The following ADGRB3 variants were observed in gnomAD, a reference collection of about 807,000 sequenced individuals.
ADGRB3 encodes the protein adhesion G protein-coupled receptor B3, also known as brain-specific angiogenesis inhibitor 3.
A neutral mutation model predicts 193.4 loss-of-function variants in ADGRB3; 37 were observed. The ratio of observed to expected loss-of-function variants is 0.19; its 90% CI spans 0.15 to 0.25. ADGRB3 has a LOEUF of 0.25. Among genes scored for constraint, ADGRB3 ranks in the 10% least tolerant of loss-of-function variants. The pLI is 1.00. For synonymous variants in ADGRB3, 690 were observed against 644.2 expected (o/e 1.07, Z -1.08); for missense variants, 1,637 against 1,852.9 (o/e 0.88, Z 2.14).
chr6:69,255,662 C>CT (rs1766749105), intron 20 of ADGRB3, among the ~76,000 whole-genome samples: 1 of 152,074 alleles, frequency 6.6e-6, no homozygotes, highest in African/African-American at 2.4e-5. Context: ...TGCCTGTTCA[C>CT]TCTGATGGTA....
At chr6:68,855,191 A>G (rs1764944034) in intron 3 of ADGRB3, among the ~76,000 whole-genome samples, 1 of 152,066 alleles carries the variant, frequency 6.6e-6, no homozygotes, top group Non-Finnish European at 1.5e-5. Context: ...GTAGATATCA[A>G]CTCCAAATAT....
intron 29 of ADGRB3, among the ~76,000 whole-genome samples, chr6:69,368,569 C>T (rs760559146): frequency 3.8e-4 from 57 of 151,956 alleles, no homozygotes; most frequent in Non-Finnish European, 7.9e-4. Flanking sequence ...TATTCAAAAT[C>T]ATGGGAATGA....
chr6:69,100,315 T>G (rs148466131), intron 17 of ADGRB3, among the ~76,000 whole-genome samples: 73 of 152,260 alleles, frequency 4.8e-4, no homozygotes, highest in African/African-American at 1.6e-3. Context: ...TGTGAAACAC[T>G]CATATACAGG....
chr6:69,341,085 T>A (rs998687362), intron 26 of ADGRB3, among the ~76,000 whole-genome samples: 2 of 152,226 alleles, frequency 1.3e-5, no homozygotes, highest in African/African-American at 2.4e-5. Flanking sequence ...TATGTGTGCA[T>A]GTGTCTTTAT....
intron 17 of ADGRB3, among the ~76,000 whole-genome samples, chr6:69,141,132 G>GAGT (rs374226168): frequency 8.1e-6 from 1 of 123,598 alleles, no homozygotes; most frequent in Non-Finnish European, 1.7e-5. Context: ...TTTTTTTGGG[G>GAGT]GGGGCGGTGG....
chr6:69,251,971 G>A (rs1389487341), intron 20 of ADGRB3, among the ~76,000 whole-genome samples: 1 of 152,076 alleles, frequency 6.6e-6, no homozygotes, highest in Non-Finnish European at 1.5e-5. Flanking sequence ...TGATGAGGTT[G>A]GACCAATATA....
chr6:68,735,881 C>T (rs1413531557), intron 3 of ADGRB3, among the ~76,000 whole-genome samples: 1 of 152,070 alleles, frequency 6.6e-6, no homozygotes, highest in African/African-American at 2.4e-5. Flanking sequence ...ATTTTGCAGT[C>T]TTTATAGAGC....
At chr6:69,201,271 T>C (rs1765411891) in intron 17 of ADGRB3, among the ~76,000 whole-genome samples, 1 of 152,160 alleles carries the variant, frequency 6.6e-6, no homozygotes, top group Non-Finnish European at 1.5e-5. Context: ...GGTCTACACC[T>C]GCTGCCTCCC....
At chr6:68,851,021 C>G (rs183990311) in intron 3 of ADGRB3, among the ~76,000 whole-genome samples, 18 of 151,958 alleles carry the variant, frequency 1.2e-4, no homozygotes, top group African/African-American at 4.3e-4. Context: ...GTGAGTAATT[C>G]CATTCTGTTC....
chr6:68,747,497 A>C (rs564065061), intron 3 of ADGRB3, among the ~76,000 whole-genome samples: 1 of 152,358 alleles, frequency 6.6e-6, no homozygotes, highest in African/African-American at 2.4e-5. Context: ...TTGAACCTAT[A>C]GAATACATTC....
At chr6:69,059,409 CTCTT>C (rs537283401) in intron 15 of ADGRB3, among the ~76,000 whole-genome samples, 81 of 152,234 alleles carry the variant, frequency 5.3e-4, no homozygotes, top group African/African-American at 1.9e-3. Context: ...TTTTTATACT[CTCTT>C]TAAGATATGG....
At chr6:68,819,697 C>T (rs1489370893) in intron 3 of ADGRB3, among the ~76,000 whole-genome samples, 1 of 151,964 alleles carries the variant, frequency 6.6e-6, no homozygotes, top group Non-Finnish European at 1.5e-5. Context: ...TATTCTCACC[C>T]TGTTGATAGA....
At chr6:69,089,416 G>C (rs903525160) in intron 17 of ADGRB3, among the ~76,000 whole-genome samples, 4 of 152,094 alleles carry the variant, frequency 2.6e-5, no homozygotes, top group African/African-American at 9.7e-5. Context: ...GAAAATTTTT[G>C]AATGAGTGAA....
In ADGRB3 at chr6:69,030,956, TTTTTCTTTTCTTTTC is replaced by T. The variant is rs367785089; in HGVS notation, c.2107+12481_2107+12495del. Among the ~76,000 whole-genome samples, 8 of 72,426 alleles carry T rather than the reference TTTTTCTTTTCTTTTC, an allele frequency of 1.1e-4. 2 individuals carry two copies. Among genetic ancestry groups the T allele is most frequent in the South Asian group, 7.6e-4 (2 of 2,630 alleles). The allele number at this position is 72,426 out of a possible 152,430, so 47.5% of individuals were successfully genotyped here. A position where few individuals can be genotyped will look rare whatever the true frequency, so the allele number is the denominator to read the frequency against. ...GGTTTTAATTTTCTTTTCTTTTCTT[TTTTTCTTTTCTTTTC>T]TTTTCTTTTCTTTTCTTTTCTTTCT... On this transcript the variant is annotated intron_variant, in intron 13 of 31. Coordinates refer to ENST00000370598, the MANE Select transcript of ADGRB3 (RefSeq NM_001704.3).
chr6:68,694,063 A>C (rs1300406419), intron 3 of ADGRB3, among the ~76,000 whole-genome samples: 1 of 152,018 alleles, frequency 6.6e-6, no homozygotes, highest in Non-Finnish European at 1.5e-5. Context: ...TTCATTCTGA[A>C]CTTATGATAT....
At chr6:68,764,085 A>C (rs1766464142) in intron 3 of ADGRB3, among the ~76,000 whole-genome samples, 2 of 152,068 alleles carry the variant, frequency 1.3e-5, no homozygotes, top group African/African-American at 2.4e-5. Flanking sequence ...TACATACATA[A>C]ATAAATAAAA....
intron 17 of ADGRB3, among the ~76,000 whole-genome samples, chr6:69,168,884 T>G (rs2150347160): frequency 6.6e-6 from 1 of 152,202 alleles, no homozygotes; most frequent in Non-Finnish European, 1.5e-5. Flanking sequence ...CAAACAAAAT[T>G]TTTTAAATAA....
intron 15 of ADGRB3, among the ~76,000 whole-genome samples, chr6:69,051,842 G>T (rs539999839): frequency 1.3e-5 from 2 of 152,094 alleles, no homozygotes; most frequent in Admixed American, 6.6e-5. Flanking sequence ...CCCTGCTATC[G>T]CAACTCTCAG....
At chr6:68,867,703 G>T (rs572013483) in intron 3 of ADGRB3, among the ~76,000 whole-genome samples, 1 of 152,218 alleles carries the variant, frequency 6.6e-6, no homozygotes, top group Non-Finnish European at 1.5e-5. Flanking sequence ...GGGTGGAGCT[G>T]CCCAAGGCTT....
Sources: allele counts gnomAD v4.1 joint callset (sites outside exome capture counted in the v4.1 genomes callset), GRCh38; gene constraint gnomAD v4.1.1; transcripts MANE v1.5; gene names NCBI Gene and HGNC (gene_info 2026-07-23, HGNC 2026-07-21).